Variants in PC observed in about 807,000 individuals in gnomAD.
PC encodes the protein pyruvate carboxylase, also known as pyruvate carboxylase, mitochondrial.
A neutral mutation model predicts 107.8 loss-of-function variants in PC; 46 were observed. The observed-to-expected ratio is 0.43, with a 90% CI of 0.34 to 0.55. The LOEUF (loss-of-function observed/expected upper bound fraction) is 0.55. PC is among the 20% of genes least tolerant of loss of function. PC has a pLI of 0.04. For missense variants in PC, 1,241 were observed against 1,643.1 expected (o/e 0.76, Z 4.23); for synonymous variants, 662 against 684.7 (o/e 0.97, Z 0.52).
Position 66,899,932 on chromosome 11 carries a change from G to A in PC, c.1-27773C>T, listed in dbSNP as rs118028938. On this transcript the variant is annotated intron_variant, in intron 3 of 22. Transcript: ENST00000393960. ...TTAATTTTTGTATATGGTATGAGGT[G>A]GGGTCCAGTTCATTCCTGTGCATGC... Among the ~76,000 whole-genome samples the A allele has an allele frequency of 4.5e-3, 686 of 152,278 alleles. 11 individuals are homozygous for A. The East Asian group carries it at 0.046, about 10-fold the overall frequency.
At position 66,859,229 on chromosome 11, in the gene PC, G is replaced by A. The variant is rs1030877188; in HGVS notation, c.1368+4545C>T. 7.4e-6 allele frequency: 9 copies of A among 1,218,802 alleles called. No homozygotes were observed. In the Middle Eastern group the frequency reaches 6.2e-4, roughly 83 times the overall value. 75.5% of individuals were successfully genotyped at this position (1,218,802 alleles called of 1,614,324 possible). ...CCCCGACCATGGCTGCTGGACTCTT[G>A]GAGGAGCAGTGGCCTGGCCTGGCCT... On this transcript the variant is annotated intron_variant, in intron 12 of 22. Coordinates refer to ENST00000393960, the MANE Select transcript of PC (RefSeq NM_001040716.2).
chr11:66,948,396 G>A (rs1448100725), intron 3 of PC, among the ~76,000 whole-genome samples: 2 of 152,102 alleles, frequency 1.3e-5, no homozygotes, highest in Non-Finnish European at 2.9e-5. Flanking sequence ...TTCCTGAAGA[G>A]TGAGGAGGCA....
In PC at chr11:66,857,836, G is replaced by A; in HGVS notation, c.1369-4453C>T. ...TGCCAGAACCTGTCCGAGTCGCTCA[G>A]CACCCTCTGTGCCCACCGAGGCCTG... On this transcript the variant is annotated intron_variant, in intron 12 of 22. Coordinates refer to ENST00000393960, the MANE Select transcript of PC (RefSeq NM_001040716.2). This position sits in a 1 kb window ranked among gnomAD's most constrained non-coding sequence, Gnocchi z 7.1. 6.2e-7 allele frequency: 1 copy of A among 1,606,266 alleles called. No individual in the cohort carries two copies. The highest frequency in any genetic ancestry group is 8.5e-7 in the Non-Finnish European group (1 of 1,179,846).
At position 66,858,944 on chromosome 11, in the gene PC, G is replaced by T. The variant is rs375098656; in HGVS notation, c.1368+4830C>A. Reference sequence around the variant, plus strand: ...CCGCTCGCACTGCTGCCGAGGGTGAGGGGACGCTGGAGTCTGAGCCAGCCG... The same window carrying T: ...CCGCTCGCACTGCTGCCGAGGGTGATGGGACGCTGGAGTCTGAGCCAGCCG... On this transcript the variant is annotated intron_variant, in intron 12 of 22. Coordinates refer to ENST00000393960, the MANE Select transcript of PC (RefSeq NM_001040716.2). The surrounding 1 kb of genome is among the most constrained non-coding windows in gnomAD (Gnocchi z 5.9). The T allele has an allele frequency of 6.3e-7, 1 of 1,577,520 alleles. No homozygotes were observed.
intron 3 of PC, among the ~76,000 whole-genome samples, chr11:66,943,279 AG>A (rs202011392): frequency 6.6e-6 from 1 of 150,766 alleles, no homozygotes; most frequent in African/African-American, 2.4e-5. Context: ...CAGGAGTCGG[AG>A]GAAAAAAAAA....
At chr11:66,851,678 C>T (rs971599506) in intron 16 of PC, 112 bp downstream of exon 16, 1 of 1,156,072 alleles carries the variant, frequency 8.6e-7, no homozygotes, top group Non-Finnish European at 1.3e-6. Context: ...TGCGTGTGGC[C>T]ACAGAGAGAC....
intron 3 of PC, among the ~76,000 whole-genome samples, chr11:66,928,874 G>C (rs528894131): frequency 6.6e-6 from 1 of 152,190 alleles, no homozygotes; most frequent in African/African-American, 2.4e-5. Context: ...GGCTAAAATA[G>C]CAAAATATTT....
At chr11:66,902,225 C>A (rs1487542484) in intron 3 of PC, among the ~76,000 whole-genome samples, 2 of 152,202 alleles carry the variant, frequency 1.3e-5, no homozygotes, top group Non-Finnish European at 2.9e-5. Flanking sequence ...CATGATCTGA[C>A]CTTTCATCCT....
intron 3 of PC, among the ~76,000 whole-genome samples, chr11:66,891,844 T>C (rs1474013689): frequency 1.3e-5 from 2 of 152,248 alleles, no homozygotes; most frequent in African/African-American, 2.4e-5. Flanking sequence ...GTCAACCTTG[T>C]AGTATAAAAT....
chr11:66,899,158 C>T (rs972562459), intron 3 of PC, among the ~76,000 whole-genome samples: 3 of 152,168 alleles, frequency 2.0e-5, no homozygotes, highest in Admixed American at 6.5e-5. Context: ...GGGTGAGCCA[C>T]CGTGCCCAGC....
chr11:66,865,043 A>T (rs1476172476), intron 11 of PC, among the ~76,000 whole-genome samples: 1 of 152,210 alleles, frequency 6.6e-6, no homozygotes, highest in Non-Finnish European at 1.5e-5. Flanking sequence ...GGCTCTGAAG[A>T]GCCAGGGCTT....
At chr11:66,918,553 T>TA (rs2074850158) in intron 3 of PC, among the ~76,000 whole-genome samples, 1 of 151,790 alleles carries the variant, frequency 6.6e-6, no homozygotes, top group Non-Finnish European at 1.5e-5. Flanking sequence ...TTTGTATTTT[T>TA]GTAGAGATGG....
At chr11:66,947,843 G>C (rs1949337077) in intron 3 of PC, among the ~76,000 whole-genome samples, 1 of 151,276 alleles carries the variant, frequency 6.6e-6, no homozygotes, top group Non-Finnish European at 1.5e-5. Context: ...GGCGCCTCTA[G>C]TCCCAGCTAC....
chr11:66,855,189 G>C (rs1355514582), intron 12 of PC, among the ~76,000 whole-genome samples: 1 of 152,176 alleles, frequency 6.6e-6, no homozygotes, highest in Non-Finnish European at 1.5e-5. Context: ...TGTGACTGTC[G>C]GGTTGCCCAT....
intron 3 of PC, among the ~76,000 whole-genome samples, chr11:66,886,721 G>A (rs1440014859): frequency 2.0e-5 from 3 of 152,186 alleles, no homozygotes; most frequent in Non-Finnish European, 4.4e-5. Flanking sequence ...ATTAAAGAAC[G>A]CGAAGCCAAT....
At chr11:66,855,500 T>C (rs1280812685) in intron 12 of PC, among the ~76,000 whole-genome samples, 2 of 152,180 alleles carry the variant, frequency 1.3e-5, no homozygotes, top group African/African-American at 4.8e-5. Flanking sequence ...GGTTTCGCCA[T>C]GTTTGCCAGG....
chr11:66,891,878 CCT>C, intron 3 of PC, among the ~76,000 whole-genome samples: 1 of 152,208 alleles, frequency 6.6e-6, no homozygotes, highest in South Asian at 2.1e-4. Flanking sequence ...TTTTCAGTCC[CCT>C]GATTATTACT....
intron 3 of PC, among the ~76,000 whole-genome samples, chr11:66,908,117 A>C (rs1948222248): frequency 6.6e-6 from 1 of 151,644 alleles, no homozygotes; most frequent in Non-Finnish European, 1.5e-5. Flanking sequence ...GTTCTGGTGG[A>C]AAGATGAAAG....
chr11:66,924,988 G>GCCCCC (rs1193421179), intron 3 of PC, among the ~76,000 whole-genome samples: 1 of 152,084 alleles, frequency 6.6e-6, no homozygotes, highest in Admixed American at 6.6e-5. Flanking sequence ...GTTCCGTGAT[G>GCCCCC]CCCCCCAGCC....
Sources: gnomAD v4.1 joint callset for allele counts (sites outside exome capture counted in the v4.1 genomes callset) on GRCh38, gnomAD v4.1.1 for gene constraint, Gnocchi (gnomAD v3.1) non-coding constraint, MANE v1.5 for transcripts, NCBI Gene and HGNC (gene_info 2026-07-23, HGNC 2026-07-21) for gene names.